The following CHD5 variants were observed in gnomAD, a reference collection of about 807,000 sequenced individuals.
CHD5 encodes the protein ATP-dependent chromatin remodeler CHD5.
CHD5 carries 69 observed loss-of-function variants against 230.3 expected under a neutral mutation model. That is an observed-to-expected ratio of 0.30 (90% confidence interval 0.25 to 0.37). The LOEUF is 0.37. Ranked by LOEUF, CHD5 falls within the 10% of genes least tolerant of loss-of-function variation. CHD5 has a pLI of 1.00. For missense variants in CHD5, 1,827 were observed against 2,622.8 expected (o/e 0.70, Z 6.63); for synonymous variants, 1,064 against 1,065.9 (o/e 1.00, Z 0.03).
In CHD5 at chr1:6,180,053, G is replaced by GC. The variant is rs375320873; in HGVS notation, c.-31dup. 6,115 of 1,204,576 alleles carry GC rather than the reference G, an allele frequency of 5.1e-3. 217 individuals carry two copies. The African/African-American group carries it at 0.077, about 15-fold the overall frequency. 74.6% of individuals were successfully genotyped at this position (1,204,576 alleles called of 1,614,324 possible). A position where few individuals can be genotyped will look rare whatever the true frequency, so the allele number is the denominator to read the frequency against. ...GGCGCGGGGAGGAGGGGAGGTGGGC[G>GC]CCCCCCCTCCCGCCGGGCGCGGTGC... is the stretch of plus-strand genomic sequence containing the variant. On this transcript the variant is annotated 5_prime_UTR_variant, in exon 1 of 42. Coordinates refer to ENST00000262450, the MANE Select transcript of CHD5 (RefSeq NM_015557.3).
In CHD5 at chr1:6,159,842, C is replaced by A. The variant is rs564495315; in HGVS notation, c.208-327G>T. The stretch of plus-strand genomic sequence containing the variant: ...GGCTCAGCCCACTCCAGCAGCCCTG[C>A]GGGTGAACTCAGGCTCCGCTTCAGT... On this transcript the variant is annotated intron_variant, in intron 2 of 41. Transcript: ENST00000262450. Among the ~76,000 whole-genome samples, 11 of 152,382 alleles carry A rather than the reference C, an allele frequency of 7.2e-5. No homozygotes were observed. The East Asian group carries it at 1.7e-3, about 24-fold the overall frequency.
intron 2 of CHD5, among the ~76,000 whole-genome samples, chr1:6,161,716 G>C (rs1041216460): frequency 6.6e-6 from 1 of 152,174 alleles, no homozygotes; most frequent in Non-Finnish European, 1.5e-5. Context: ...TCAGAGTTTG[G>C]CCAGCTTCAA....
chr1:6,136,752 G>A lies in CHD5; in HGVS notation c.2550C>T (p.His850=), dbSNP rs1238047587. Reference sequence around the variant, plus strand: ...CCTTGGACTGGTTGTTCTTGAGGCGGTGGGCCTCATCTACCACCAGGCAGG... The same window carrying A: ...CCTTGGACTGGTTGTTCTTGAGGCGATGGGCCTCATCTACCACCAGGCAGG... The part of the protein sequence containing the change: ...EWACLVVDEA[H]RLKNNQSKFF... The change falls in exon 16 of 42, where the codon CAC becomes CAT. Residue 850 remains histidine (H), a synonymous_variant. Coordinates refer to ENST00000262450, the MANE Select transcript of CHD5 (RefSeq NM_015557.3). 6.2e-6 allele frequency: 10 copies of A among 1,612,742 alleles called. No homozygotes were observed. The highest frequency in any genetic ancestry group is 8.5e-6 in the Non-Finnish European group (10 of 1,178,974).
intron 13 of CHD5, among the ~76,000 whole-genome samples, chr1:6,143,460 T>C (rs1414009215): frequency 1.3e-5 from 2 of 152,070 alleles, no homozygotes; most frequent in Non-Finnish European, 2.9e-5. Flanking sequence ...CCGTGTTCTG[T>C]GGATACCCAC....
At position 6,167,483 on chromosome 1, in the gene CHD5, C is replaced by T. The variant is rs1667273105; in HGVS notation, c.207+667G>A. ...GGAAGGACTTTAAGCTGCAAACCCACCTCAGTTTCCCCATCTGCCAACCAG... is the reference window on the plus strand; with the variant it reads ...GGAAGGACTTTAAGCTGCAAACCCATCTCAGTTTCCCCATCTGCCAACCAG... On this transcript the variant is annotated intron_variant, in intron 2 of 41. Transcript: ENST00000262450. The surrounding 1 kb of genome is among the most constrained non-coding windows in gnomAD (Gnocchi z 4.5). 6.6e-6 allele frequency among the ~76,000 whole-genome samples: 1 copy of T among 152,226 alleles called. No individual in the cohort carries two copies. The highest frequency in any genetic ancestry group is 2.1e-4 in the South Asian group (1 of 4,834).
At chr1:6,163,382 G>A (rs560507360) in intron 2 of CHD5, among the ~76,000 whole-genome samples, 1 of 152,204 alleles carries the variant, frequency 6.6e-6, no homozygotes, top group East Asian at 1.9e-4. Flanking sequence ...CCACCACATG[G>A]AGCCCGCACA....
In CHD5 at chr1:6,128,380, TCG is replaced by T. The variant is rs1666597445; in HGVS notation, c.3730+117_3730+118del. 9.1e-7 allele frequency: 1 copy of T among 1,102,874 alleles called. No individual in the cohort carries two copies. Among genetic ancestry groups the T allele is most frequent in the Admixed American group, 2.0e-5 (1 of 49,122 alleles). The allele number at this position is 1,102,874 out of a possible 1,614,324, so 68.3% of individuals were successfully genotyped here. A position where few individuals can be genotyped will look rare whatever the true frequency, so the allele number is the denominator to read the frequency against. ...GGAAACTGCGCTGTAACAGCCCCAC[TCG>T]CCGCCCACCTGGCAGTCCCAGGACG... On this transcript the variant is annotated intron_variant, in intron 24 of 41. Coordinates refer to ENST00000262450, the MANE Select transcript of CHD5 (RefSeq NM_015557.3). This position sits in a 1 kb window ranked among gnomAD's most constrained non-coding sequence, Gnocchi z 7.8.
At chr1:6,147,251 G>T (rs1557552971) in intron 9 of CHD5, among the ~76,000 whole-genome samples, 1 of 152,146 alleles carries the variant, frequency 6.6e-6, no homozygotes, top group Non-Finnish European at 1.5e-5. Context: ...CCTACCTTAG[G>T]TCTTCCCATT....
rs1481090379 is a variant in CHD5, at chr1:6,124,670, G to T, written c.4395-9C>A. On this transcript the variant is annotated splice_polypyrimidine_tract_variant and intron_variant, in intron 29 of 41. Coordinates refer to ENST00000262450, the MANE Select transcript of CHD5 (RefSeq NM_015557.3). ...AGAGGGACACATAGGCTCTGGGGTG[G>T]GGGGGGGGGACTGGGGCTCAGGGAG... The T allele has an allele frequency of 1.6e-6, 2 of 1,281,782 alleles. No individual in the cohort carries two copies. Among genetic ancestry groups the T allele is most frequent in the Non-Finnish European group, 2.2e-6 (2 of 927,298 alleles). The allele number at this position is 1,281,782 out of a possible 1,614,324, so 79.4% of individuals were successfully genotyped here.
chr1:6,148,817 GGCGGGGCGTCCGGC>G, intron 9 of CHD5, 23 bp downstream of exon 9: 1 of 1,466,056 alleles, frequency 6.8e-7, no homozygotes. Flanking sequence ...CCTGGGGTGG[GGCGGGGCGTCCGGC>G]GCGGGGCGGG....
intron 2 of CHD5, among the ~76,000 whole-genome samples, chr1:6,160,945 G>A (rs748286079): frequency 5.9e-5 from 9 of 152,346 alleles, no homozygotes; most frequent in Middle Eastern, 6.8e-3. Flanking sequence ...TCCCAGGGAG[G>A]GGCCGGGCAG....
chr1:6,112,897 A>G lies in CHD5; in HGVS notation c.5002+12T>C, dbSNP rs1666315904. On this transcript the variant is annotated intron_variant, in intron 34 of 41. Coordinates refer to ENST00000262450, the MANE Select transcript of CHD5 (RefSeq NM_015557.3). ...ATGGGGCACAGGTAGAGAACACAGA[A>G]GAGCCCCAGACCTGGCCTGAGTTCG... 1 of 1,602,238 alleles carries G rather than the reference A, an allele frequency of 6.2e-7. No homozygotes were observed. Among genetic ancestry groups the G allele is most frequent in the African/African-American group, 1.3e-5 (1 of 74,660 alleles).
intron 37 of CHD5, 76 bp from the exon 38 acceptor site, chr1:6,110,066 C>T (rs1420407998): frequency 1.5e-6 from 2 of 1,294,184 alleles, no homozygotes; most frequent in Non-Finnish European, 2.1e-6. Context: ...GCGCCCACCC[C>T]AGGCCAAGGC....
At chr1:6,157,191 C>G (rs898037957) in intron 3 of CHD5, among the ~76,000 whole-genome samples, 11 of 152,174 alleles carry the variant, frequency 7.2e-5, no homozygotes, top group African/African-American at 2.7e-4. Context: ...CAGTACACAC[C>G]ACTCCTAGGC....
intron 5 of CHD5, among the ~76,000 whole-genome samples, chr1:6,153,359 T>C (rs1667034959): frequency 6.6e-6 from 1 of 152,138 alleles, no homozygotes; most frequent in South Asian, 2.1e-4. Flanking sequence ...CCTCCCGAGA[T>C]CCTGATGGCC....
intron 36 of CHD5, 107 bp from the exon 37 acceptor site, chr1:6,110,633 G>A (rs1251847010): frequency 5.9e-6 from 7 of 1,192,904 alleles, no homozygotes; most frequent in Non-Finnish European, 8.3e-6. Context: ...CGGCATTCTG[G>A]CTGTACGCTC....
intron 17 of CHD5, among the ~76,000 whole-genome samples, chr1:6,135,923 T>C (rs1350558971): frequency 6.6e-6 from 1 of 151,892 alleles, no homozygotes; most frequent in African/African-American, 2.4e-5. Context: ...GGCAGGAGAA[T>C]CACTTGAACC....
intron 1 of CHD5, 55 bp downstream of exon 1, chr1:6,179,890 G>A: frequency 1.9e-6 from 2 of 1,052,862 alleles, no homozygotes; most frequent in Non-Finnish European, 2.4e-6. Context: ...CCTGGGCCCG[G>A]CCCGTCTCGG....
rs145294581 is a variant in CHD5 at position 6,120,033 on chromosome 1, G to T, written c.4912+1072C>A. On this transcript the variant is annotated intron_variant, in intron 33 of 41. Coordinates refer to ENST00000262450, the MANE Select transcript of CHD5 (RefSeq NM_015557.3). ...ATGCCACCACACCCAACTAATTTTT[G>T]TATTTTTAATAGAGACTGGGTTTCG... Among the ~76,000 whole-genome samples the T allele has an allele frequency of 1.3e-4, 19 of 151,892 alleles. No individual in the cohort carries two copies. In the East Asian group the frequency reaches 3.7e-3, roughly 30 times the overall value.
Sources: allele counts gnomAD v4.1 joint callset (sites outside exome capture counted in the v4.1 genomes callset), GRCh38; gene constraint gnomAD v4.1.1; non-coding constraint Gnocchi (gnomAD v3.1); transcripts MANE v1.5; gene names NCBI Gene and HGNC (gene_info 2026-07-23, HGNC 2026-07-21).